TGM2: variants seen among roughly 807,000 people sequenced by gnomAD.
TGM2 encodes the protein protein-glutamine gamma-glutamyltransferase 2.
TGM2 carries 53 observed loss-of-function variants against 75.6 expected under a neutral mutation model. The observed-to-expected ratio is 0.70, with a 90% CI of 0.56 to 0.88. The LOEUF (loss-of-function observed/expected upper bound fraction) is 0.88. TGM2 is among the 40% of genes least tolerant of loss of function. The pLI, the probability that TGM2 is intolerant of heterozygous loss-of-function variation, is 0.00. For synonymous variants in TGM2, 374 were observed against 381.1 expected (o/e 0.98, Z 0.22); for missense variants, 842 against 928.5 (o/e 0.91, Z 1.21).
chr20:38,156,122 G>A, intron 2 of TGM2, 33 bp from the exon 3 acceptor site: 1 of 1,603,548 alleles, frequency 6.2e-7, no homozygotes, highest in Non-Finnish European at 8.5e-7. Flanking sequence ...CGTGAGCTAG[G>A]GGTAGCAGGG....
chr20:38,155,107 A>AAAAAC (rs45624639), intron 3 of TGM2, among the ~76,000 whole-genome samples: 19,776 of 151,346 alleles, frequency 0.13, 1,632 homozygotes, highest in East Asian at 0.44. Flanking sequence ...ACTCCGTCTC[A>AAAAAC]AAAACAAAAC....
intron 4 of TGM2, among the ~76,000 whole-genome samples, chr20:38,149,653 T>C (rs943922520): frequency 1.9e-5 from 2 of 105,282 alleles, no homozygotes; most frequent in African/African-American, 7.8e-5. Context: ...CACTCCAGCC[T>C]GGGCAACAGA....
At chr20:38,153,709 C>G (rs924157405) in intron 3 of TGM2, among the ~76,000 whole-genome samples, 13 of 152,082 alleles carry the variant, frequency 8.5e-5, no homozygotes, top group African/African-American at 3.1e-4. Context: ...CAGGCACATA[C>G]AGACTGACCT....
intron 3 of TGM2, among the ~76,000 whole-genome samples, chr20:38,154,968 T>G (rs1481319196): frequency 6.6e-6 from 1 of 152,142 alleles, no homozygotes; most frequent in East Asian, 1.9e-4. Context: ...TAGCCAGGCG[T>G]GGTGGCACAT....
At chr20:38,138,438 G>A (rs766088908) in intron 9 of TGM2, 53 bp from the exon 10 acceptor site, 26 of 1,611,364 alleles carry the variant, frequency 1.6e-5, no homozygotes, top group Non-Finnish European at 1.9e-5. Context: ...ATCACAGGAA[G>A]GGGGCTGCAA....
intron 9 of TGM2, among the ~76,000 whole-genome samples, chr20:38,138,749 T>G (rs2074932347): frequency 6.6e-6 from 1 of 152,208 alleles, no homozygotes; most frequent in South Asian, 2.1e-4. Context: ...ACGAATACAG[T>G]GCAATCTTTC....
chr20:38,146,623 G>A, intron 6 of TGM2, 94 bp downstream of exon 6: 2 of 1,472,050 alleles, frequency 1.4e-6, no homozygotes, highest in South Asian at 1.2e-5. Context: ...GGTGGCAGGG[G>A]GCAGGACCAG....
chr20:38,162,488 C>T (rs766432838), intron 1 of TGM2, among the ~76,000 whole-genome samples: 1 of 151,852 alleles, frequency 6.6e-6, no homozygotes, highest in African/African-American at 2.4e-5. Context: ...ACAAAGGGTC[C>T]GGTTTCTTTA....
chr20:38,159,282 T>C (rs1333591600), intron 2 of TGM2, among the ~76,000 whole-genome samples: 1 of 152,088 alleles, frequency 6.6e-6, no homozygotes, highest in Non-Finnish European at 1.5e-5. Flanking sequence ...CCCCATGTTC[T>C]CACTTATAAG....
At chr20:38,167,810 A>T (rs2075322571), upstream of TGM2, among the ~76,000 whole-genome samples, 1 of 152,314 alleles carries the variant, frequency 6.6e-6, no homozygotes, top group South Asian at 2.1e-4. Context: ...TTAGTTCATT[A>T]CACAGAGTGG....
chr20:38,156,024 C>G lies in TGM2; in HGVS notation c.256G>C (p.Gly86Arg). ...RFPLRDAVEE[G>R]DWTATVVDQQ... Reference sequence around the variant, plus strand: ...TCCACCACGGTGGCTGTCCAGTCACCCTCCTCCACAGCATCTCTTAGTGGA... The same window carrying G: ...TCCACCACGGTGGCTGTCCAGTCACGCTCCTCCACAGCATCTCTTAGTGGA... Residue 86 changes from glycine (G) to arginine (R), a missense_variant, in exon 3 of 13, where the codon GGT (glycine) becomes CGT (arginine). Coordinates refer to ENST00000361475, the MANE Select transcript of TGM2 (RefSeq NM_004613.4). 1 of 1,613,832 alleles carries G rather than the reference C, an allele frequency of 6.2e-7. No homozygotes were observed. Among genetic ancestry groups the G allele is most frequent in the Non-Finnish European group, 8.5e-7 (1 of 1,179,984 alleles).
At chr20:38,166,822 T>C (rs1295487970), upstream of TGM2, among the ~76,000 whole-genome samples, 1 of 152,134 alleles carries the variant, frequency 6.6e-6, no homozygotes, top group Non-Finnish European at 1.5e-5. Context: ...TGACCCGTAA[T>C]TGCCCCATTT....
Position 38,149,678 on chromosome 20 carries a change from C to CAAAAAAAAAA in TGM2, c.552+1251_552+1260dup, listed in dbSNP as rs1199376180. ...TGGGCAACAGAGCGAGACTCCGCCTCAAAAAAAAAAAAAAAAAAAAAAACA... is the reference window on the plus strand; with the variant it reads ...TGGGCAACAGAGCGAGACTCCGCCTCAAAAAAAAAAAAAAAAAAAAAAAAAAAAAAAAACA... On this transcript the variant is annotated intron_variant, in intron 4 of 12. Coordinates refer to ENST00000361475, the MANE Select transcript of TGM2 (RefSeq NM_004613.4). Among the ~76,000 whole-genome samples the CAAAAAAAAAA allele has an allele frequency of 1.5e-3, 60 of 40,436 alleles. 6 individuals are homozygous for CAAAAAAAAAA. Among genetic ancestry groups the CAAAAAAAAAA allele is most frequent in the East Asian group, 7.5e-3 (9 of 1,198 alleles). 26.5% of individuals were successfully genotyped at this position (40,436 alleles called of 152,430 possible).
chr20:38,158,656 C>T (rs1053655839), intron 2 of TGM2, among the ~76,000 whole-genome samples: 1 of 152,204 alleles, frequency 6.6e-6, no homozygotes, highest in East Asian at 1.9e-4. Flanking sequence ...GGCCTGGACC[C>T]CATAACGGAG....
Position 38,130,224 on chromosome 20 carries a change from C to A in TGM2, c.2059G>T (p.Ala687Ser), listed in dbSNP as rs764031636. 6.2e-7 allele frequency: 1 copy of A among 1,613,232 alleles called. No individual in the cohort carries two copies. The highest frequency in any genetic ancestry group is 1.1e-5 in the South Asian group (1 of 90,660). Residue 687 changes from alanine to serine, a missense_variant, in exon 13 of 13, where the codon GCC becomes TCC. Ala to Ser is a moderately conservative substitution (Grantham distance 99). Transcript: ENST00000361475. ...AGGCTGGGAGCAGGGGTCCCTTAGG[C>A]GGGGCCAATGATGACATTCCGGAAG... ...KGFRNVIIGPA is the reference protein window; with the variant it reads ...KGFRNVIIGPS
rs190616189 is a variant in TGM2 at position 38,163,681 on chromosome 20, G to A, written c.10+1508C>T. Among the ~76,000 whole-genome samples the A allele has an allele frequency of 7.0e-4, 107 of 152,290 alleles. 1 individual carries two copies. The highest frequency in any genetic ancestry group is 6.8e-3 in the Middle Eastern group (2 of 294). On this transcript the variant is annotated intron_variant, in intron 1 of 12. Transcript: ENST00000361475. ...CAAACCTGGGGGCAGATAGTTCTGC[G>A]CCACTGAAGTATCAGGGATGTCGGT...
At position 38,135,163 on chromosome 20, in the gene TGM2, G is replaced by A. The variant is rs147907182; in HGVS notation, c.1616-2663C>T. On this transcript the variant is annotated intron_variant, in intron 10 of 12. Coordinates refer to ENST00000361475, the MANE Select transcript of TGM2 (RefSeq NM_004613.4). ...TCCCGATGGTGACTTAGAGGTGAGG[G>A]CTGACTCCACAGAGGCCTGGGAGGA... Among the ~76,000 whole-genome samples, 1,025 of 152,338 alleles carry A rather than the reference G, an allele frequency of 6.7e-3. 10 individuals are homozygous for A. Among genetic ancestry groups the A allele is most frequent in the African/African-American group, 0.023 (967 of 41,582 alleles).
At chr20:38,147,498 C>T (rs907675628) in intron 5 of TGM2, among the ~76,000 whole-genome samples, 6 of 152,176 alleles carry the variant, frequency 3.9e-5, no homozygotes, top group African/African-American at 1.4e-4. Flanking sequence ...TAGGGAGCCC[C>T]TCAGCCCCTC....
At position 38,130,328 on chromosome 20, in the gene TGM2, A is replaced by G; in HGVS notation, c.1955T>C (p.Met652Thr). 1 of 1,607,210 alleles carries G rather than the reference A, an allele frequency of 6.2e-7. No homozygotes were observed. Among genetic ancestry groups the G allele is most frequent in the South Asian group, 1.1e-5 (1 of 89,290 alleles). Residue 652 changes from methionine (M) to threonine (T), a missense_variant, in exon 13 of 13, where the codon ATG (methionine) becomes ACG (threonine). By Grantham distance (81) the Met-to-Thr change is moderately conservative. Transcript: ENST00000361475. Reference protein sequence around the residue: ...VEAGEEVKVRMDLLPLHMGLH... With the variant: ...VEAGEEVKVRTDLLPLHMGLH... ...GCCCATGTGGAGCGGCAGCAGGTCC[A>G]TTCTCACCTTAACTTCCTCCCCTGC...
Sources: allele counts gnomAD v4.1 joint callset (sites outside exome capture counted in the v4.1 genomes callset), GRCh38; gene constraint gnomAD v4.1.1; transcripts MANE v1.5; gene names NCBI Gene and HGNC (gene_info 2026-07-23, HGNC 2026-07-21).